KIRREL3: variants seen among roughly 807,000 people sequenced by gnomAD.
The protein encoded by KIRREL3 is kirre like nephrin family adhesion molecule 3.
Under a neutral mutation model 89.7 loss-of-function variants are expected in KIRREL3, and 36 were observed. That is an observed-to-expected ratio of 0.40 (90% confidence interval 0.31 to 0.53). The LOEUF (loss-of-function observed/expected upper bound fraction) is 0.53, where lower values mean the gene tolerates loss of function less well. Ranked by LOEUF, KIRREL3 falls within the 20% of genes least tolerant of loss-of-function variation. KIRREL3 has a pLI of 0.49. For synonymous variants in KIRREL3, 445 were observed against 441.4 expected, an observed-to-expected ratio of 1.01 and a Z score of -0.10; for missense variants, 864 against 1,056.6, an observed-to-expected ratio of 0.82 and a Z score of 2.53.
Position 126,459,695 on chromosome 11 carries a change from T to C in KIRREL3, c.743-3241A>G, listed in dbSNP as rs920070001. On this transcript the variant is annotated intron_variant, in intron 6 of 16. Coordinates refer to ENST00000525144, the MANE Select transcript of KIRREL3 (RefSeq NM_032531.4). This position sits in a 1 kb window ranked among gnomAD's most constrained non-coding sequence, Gnocchi z 4.8. ...TGAACAGATGTTACAGCTGAGAGTC[T>C]GTTAGTGTTTCCATCCGCCCGTGTG... Among the ~76,000 whole-genome samples the C allele has an allele frequency of 6.6e-6, 1 of 152,224 alleles. No homozygotes were observed. Among genetic ancestry groups the C allele is most frequent in the Non-Finnish European group, 1.5e-5 (1 of 68,038 alleles).
intron 1 of KIRREL3, among the ~76,000 whole-genome samples, chr11:126,633,977 T>C (rs1048887134): frequency 2.0e-5 from 3 of 152,206 alleles, no homozygotes; most frequent in African/African-American, 7.2e-5. Context: ...CTTCCACCTC[T>C]TCAGAAAGTA....
Position 126,954,008 on chromosome 11 carries a change from CTG to C in KIRREL3, c.55+46445_55+46446del, listed in dbSNP as rs372637002. ...ATGCACATCTGTCAGAGGTGTGAGC[CTG>C]TGTGTGTGTGCACAGGGGTGTGTGT... On this transcript the variant is annotated intron_variant, in intron 1 of 16. Coordinates refer to ENST00000525144, the MANE Select transcript of KIRREL3 (RefSeq NM_032531.4). This position sits in a 1 kb window ranked among gnomAD's most constrained non-coding sequence, Gnocchi z 4.1. Among the ~76,000 whole-genome samples the C allele has an allele frequency of 6.6e-6, 1 of 152,030 alleles. No homozygotes were observed. Among genetic ancestry groups the C allele is most frequent in the South Asian group, 2.1e-4 (1 of 4,790 alleles).
rs2134405380 is a variant in KIRREL3 at position 126,513,751 on chromosome 11, G to T, written c.433+7564C>A. On this transcript the variant is annotated intron_variant, in intron 4 of 16. Coordinates refer to ENST00000525144, the MANE Select transcript of KIRREL3 (RefSeq NM_032531.4). This position sits in a 1 kb window ranked among gnomAD's most constrained non-coding sequence, Gnocchi z 5.9. ...GGCGACCTTGGAGTGCAGCAGGAGG[G>T]CAGGGCTGGGGCGACCCGCACACCT... is the stretch of plus-strand genomic sequence containing the variant. 6.6e-6 allele frequency among the ~76,000 whole-genome samples: 1 copy of T among 152,224 alleles called. No homozygotes were observed. The highest frequency in any genetic ancestry group is 6.5e-5 in the Admixed American group (1 of 15,306).
intron 9 of KIRREL3, among the ~76,000 whole-genome samples, chr11:126,446,340 T>C (rs1311036771): frequency 8.5e-6 from 1 of 117,746 alleles, no homozygotes; most frequent in Non-Finnish European, 2.1e-5. Flanking sequence ...TTCTTTCCTT[T>C]CTTCTTCTTT....
rs1050411875 is a variant in KIRREL3, at chr11:126,703,856, G to A, written c.56-140944C>T. Among the ~76,000 whole-genome samples, 2 of 152,154 alleles carry A rather than the reference G, an allele frequency of 1.3e-5. No homozygotes were observed. Among genetic ancestry groups the A allele is most frequent in the East Asian group, 3.9e-4 (2 of 5,194 alleles). ...GCCTTGGGATGTCCTCCCAACACAGGCCATTAATCTCACTCAAGGGCCAGT... is the reference window on the plus strand; with the variant it reads ...GCCTTGGGATGTCCTCCCAACACAGACCATTAATCTCACTCAAGGGCCAGT... On this transcript the variant is annotated intron_variant, in intron 1 of 16. Transcript: ENST00000525144. This position sits in a 1 kb window ranked among gnomAD's most constrained non-coding sequence, Gnocchi z 4.6.
chr11:126,431,916 G>A lies in KIRREL3; in HGVS notation c.1589-390C>T, dbSNP rs1232673157. Among the ~76,000 whole-genome samples the A allele has an allele frequency of 6.6e-6, 1 of 152,200 alleles. No homozygotes were observed. The highest frequency in any genetic ancestry group is 1.5e-5 in the Non-Finnish European group (1 of 68,030). Reference sequence around the variant, plus strand: ...TGCTCTATCACACAGCGGCCAGTGAGTCATAGGCCCTGGCTTTTTTTGAAA... The same window carrying A: ...TGCTCTATCACACAGCGGCCAGTGAATCATAGGCCCTGGCTTTTTTTGAAA... On this transcript the variant is annotated intron_variant, in intron 13 of 16. Transcript: ENST00000525144. This position sits in a 1 kb window ranked among gnomAD's most constrained non-coding sequence, Gnocchi z 7.1.
At chr11:126,854,638 G>A (rs758327991) in intron 1 of KIRREL3, among the ~76,000 whole-genome samples, 22 of 152,154 alleles carry the variant, frequency 1.4e-4, no homozygotes, top group East Asian at 1.9e-4. Flanking sequence ...TAGATGATCC[G>A]GTTGCTTCCA....
At chr11:126,487,907 G>A (rs868262662) in intron 4 of KIRREL3, among the ~76,000 whole-genome samples, 1 of 152,230 alleles carries the variant, frequency 6.6e-6, no homozygotes, top group Non-Finnish European at 1.5e-5. Flanking sequence ...CCTGAAAGGG[G>A]TAAAGAGAAA....
intron 1 of KIRREL3, among the ~76,000 whole-genome samples, chr11:126,865,010 T>C (rs1432324733): frequency 6.6e-6 from 1 of 152,132 alleles, no homozygotes; most frequent in East Asian, 1.9e-4. Flanking sequence ...CAAGCACCTG[T>C]GCATGAACCC....
chr11:126,925,852 G>A (rs1947692074), intron 1 of KIRREL3, among the ~76,000 whole-genome samples: 1 of 152,168 alleles, frequency 6.6e-6, no homozygotes, highest in African/African-American at 2.4e-5. Context: ...ATGTCCCCAG[G>A]CACTCCTTCC....
rs1263976237 is a variant in KIRREL3 at position 126,513,810 on chromosome 11, T to G, written c.433+7505A>C. On this transcript the variant is annotated intron_variant, in intron 4 of 16. Transcript: ENST00000525144. This position sits in a 1 kb window ranked among gnomAD's most constrained non-coding sequence, Gnocchi z 5.9. ...TGGCTGCAAGACCTCCAGGGAGACC[T>G]TCTATCTCATCTGGCCCCCAACAGC... Among the ~76,000 whole-genome samples, 1 of 152,144 alleles carries G rather than the reference T, an allele frequency of 6.6e-6. No homozygotes were observed.
At position 126,782,787 on chromosome 11, in the gene KIRREL3, G is replaced by A. The variant is rs1364044588; in HGVS notation, c.55+217668C>T. ...TATGTATGGAAATATTTATAGCTAT[G>A]TATATGTGAGGGCTAATATACACAC... On this transcript the variant is annotated intron_variant, in intron 1 of 16. Coordinates refer to ENST00000525144, the MANE Select transcript of KIRREL3 (RefSeq NM_032531.4). The surrounding 1 kb of genome is among the most constrained non-coding windows in gnomAD (Gnocchi z 4.1). Among the ~76,000 whole-genome samples the A allele has an allele frequency of 1.3e-5, 2 of 152,302 alleles. No individual in the cohort carries two copies. Among genetic ancestry groups the A allele is most frequent in the South Asian group, 2.1e-4 (1 of 4,816 alleles).
Position 126,796,681 on chromosome 11 carries a change from T to C in KIRREL3, c.55+203774A>G, listed in dbSNP as rs1407051794. On this transcript the variant is annotated intron_variant, in intron 1 of 16. Coordinates refer to ENST00000525144, the MANE Select transcript of KIRREL3 (RefSeq NM_032531.4). The surrounding 1 kb of genome is among the most constrained non-coding windows in gnomAD (Gnocchi z 5.1). ...TTATTCTTTTATTTTTATTTTTATT[T>C]TATTTTATTTTTGCAACAAGGTCTT... is the stretch of plus-strand genomic sequence containing the variant. Among the ~76,000 whole-genome samples, 1 of 152,116 alleles carries C rather than the reference T, an allele frequency of 6.6e-6. No individual in the cohort carries two copies. The highest frequency in any genetic ancestry group is 1.5e-5 in the Non-Finnish European group (1 of 68,024).
In KIRREL3 at chr11:126,994,256, G is replaced by A. The variant is rs1200510305; in HGVS notation, c.55+6199C>T. On this transcript the variant is annotated intron_variant, in intron 1 of 16. Coordinates refer to ENST00000525144, the MANE Select transcript of KIRREL3 (RefSeq NM_032531.4). The surrounding 1 kb of genome is among the most constrained non-coding windows in gnomAD (Gnocchi z 5.2). ...GGAGGGCGTGGGAAGGCTTCCAGAT[G>A]CCAGGAAAAACCTGTCCAGGGGATG... Among the ~76,000 whole-genome samples the A allele has an allele frequency of 6.6e-6, 1 of 152,126 alleles. No homozygotes were observed. The highest frequency in any genetic ancestry group is 6.5e-5 in the Admixed American group (1 of 15,280).
chr11:126,592,665 G>T lies in KIRREL3; in HGVS notation c.56-29753C>A, dbSNP rs546930093. On this transcript the variant is annotated intron_variant, in intron 1 of 16. Coordinates refer to ENST00000525144, the MANE Select transcript of KIRREL3 (RefSeq NM_032531.4). ...TGCTGTGCGGGAAACAGCGCGCCTGGGGCCAGAGGGAAGGGAGGAGGGAGC... is the reference window on the plus strand; with the variant it reads ...TGCTGTGCGGGAAACAGCGCGCCTGTGGCCAGAGGGAAGGGAGGAGGGAGC... 3.0e-3 allele frequency among the ~76,000 whole-genome samples: 458 copies of T among 152,322 alleles called. 3 individuals carry two copies. The highest frequency in any genetic ancestry group is 4.7e-3 in the Non-Finnish European group (317 of 68,002).
chr11:126,987,151 T>C lies in KIRREL3; in HGVS notation c.55+13304A>G, dbSNP rs1949890515. 1.3e-5 allele frequency among the ~76,000 whole-genome samples: 2 copies of C among 152,276 alleles called. No individual in the cohort carries two copies. The highest frequency in any genetic ancestry group is 1.3e-4 in the Admixed American group (2 of 15,298). ...ACCATAGAAAGACCCTAATACTTCC[T>C]TGATATGTGAGATAATTACCTGTCA... On this transcript the variant is annotated intron_variant, in intron 1 of 16. Transcript: ENST00000525144. The surrounding 1 kb of genome is among the most constrained non-coding windows in gnomAD (Gnocchi z 4.6).
intron 7 of KIRREL3, among the ~76,000 whole-genome samples, chr11:126,452,183 A>G (rs1956201117): frequency 6.6e-6 from 1 of 152,252 alleles, no homozygotes; most frequent in South Asian, 2.1e-4. Flanking sequence ...ATTAATAATA[A>G]CAACTGTAGT....
intron 1 of KIRREL3, among the ~76,000 whole-genome samples, chr11:126,728,817 C>T (rs3909722): frequency 0.74 from 112,193 of 152,162 alleles, 41,809 homozygotes; most frequent in East Asian, 0.98. Flanking sequence ...TCTCTTCTCT[C>T]CTGCATTAAT....
At chr11:126,469,000 C>A (rs529720654) in intron 5 of KIRREL3, among the ~76,000 whole-genome samples, 1 of 152,036 alleles carries the variant, frequency 6.6e-6, no homozygotes, top group Admixed American at 6.5e-5. Flanking sequence ...CGTGTGGATC[C>A]AGTGAGGGGG....
Sources: gnomAD v4.1 joint callset for allele counts (sites outside exome capture counted in the v4.1 genomes callset) on GRCh38, gnomAD v4.1.1 for gene constraint, Gnocchi (gnomAD v3.1) non-coding constraint, MANE v1.5 for transcripts, NCBI Gene and HGNC (gene_info 2026-07-23, HGNC 2026-07-21) for gene names.